The following PLA2G3 variants were observed in gnomAD, a reference collection of about 807,000 sequenced individuals.
PLA2G3 encodes phospholipase A2 group III.
In PLA2G3, 39 loss-of-function variants were observed where a neutral mutation model predicts 51.3. The ratio of observed to expected loss-of-function variants is 0.76; its 90% CI spans 0.59 to 0.99. The LOEUF is 0.99. Among genes scored for constraint, PLA2G3 ranks in the 50% least tolerant of loss-of-function variants. The pLI is 0.00. For synonymous variants in PLA2G3, 293 were observed against 263.1 expected (o/e 1.11, Z -1.10); for missense variants, 677 against 662.1 (o/e 1.02, Z -0.25).
rs879597294 is a variant in PLA2G3, at chr22:31,140,445, C to T, written c.-91G>A. 5.3e-5 allele frequency: 77 copies of T among 1,444,432 alleles called. No individual in the cohort carries two copies. The highest frequency in any genetic ancestry group is 6.7e-5 in the Non-Finnish European group (73 of 1,083,790). 89.5% of individuals were successfully genotyped at this position (1,444,432 alleles called of 1,614,324 possible). ...CGGCAGCTGAGCAGTGGAACGGAAG[C>T]GGAGCCCAGCAGGCCCGGTGCGGCG... On this transcript the variant is annotated 5_prime_UTR_variant, in exon 1 of 7. Coordinates refer to ENST00000215885, the MANE Select transcript of PLA2G3 (RefSeq NM_015715.5).
rs1476208016 is a variant in PLA2G3, at chr22:31,136,040, C to T, written c.1317-104G>A. Reference sequence around the variant, plus strand: ...CCAGAGAGAGAGGGGGCTGGGGCCACAGTCACCAGCAAGGCAGAGAGGGGT... The same window carrying T: ...CCAGAGAGAGAGGGGGCTGGGGCCATAGTCACCAGCAAGGCAGAGAGGGGT... On this transcript the variant is annotated intron_variant, in intron 6 of 6. Coordinates refer to ENST00000215885, the MANE Select transcript of PLA2G3 (RefSeq NM_015715.5). 9.0e-6 allele frequency: 8 copies of T among 893,138 alleles called. No homozygotes were observed. The Middle Eastern group carries it at 1.8e-3, about 205-fold the overall frequency. 55.3% of individuals were successfully genotyped at this position (893,138 alleles called of 1,614,324 possible).
intron 4 of PLA2G3, among the ~76,000 whole-genome samples, chr22:31,137,501 G>C (rs1922644059): frequency 6.6e-6 from 1 of 152,222 alleles, no homozygotes; most frequent in Admixed American, 6.5e-5. Flanking sequence ...CTGAGATAAA[G>C]AGGAGTGGTG....
chr22:31,140,481 A>C lies in PLA2G3; in HGVS notation c.-127T>G. On this transcript the variant is annotated 5_prime_UTR_variant, in exon 1 of 7. Transcript: ENST00000215885. The stretch of plus-strand genomic sequence containing the variant: ...AGGCCCGGTGCGGCGGGACCAATGA[A>C]TGGAGCTGCGGGAGGAGGAGGAAAG... 2 of 1,046,120 alleles carry C rather than the reference A, an allele frequency of 1.9e-6. No individual in the cohort carries two copies. The highest frequency in any genetic ancestry group is 2.5e-5 in the East Asian group (1 of 39,718). The allele number at this position is 1,046,120 out of a possible 1,614,324, so 64.8% of individuals were successfully genotyped here. A position where few individuals can be genotyped will look rare whatever the true frequency, so the allele number is the denominator to read the frequency against.
rs540902061 is a variant in PLA2G3 at position 31,138,028 on chromosome 22, G to C, written c.783-35C>G. 26 of 1,522,368 alleles carry C rather than the reference G, an allele frequency of 1.7e-5. No homozygotes were observed. In the South Asian group the frequency reaches 2.6e-4, roughly 15 times the overall value. The allele number at this position is 1,522,368 out of a possible 1,614,324, so 94.3% of individuals were successfully genotyped here. ...GGCAGTTGGTGGAAATTGGTGACTGGGAATCCCCCTTCCAGAAGCCCCCAG... is the reference window on the plus strand; with the variant it reads ...GGCAGTTGGTGGAAATTGGTGACTGCGAATCCCCCTTCCAGAAGCCCCCAG... On this transcript the variant is annotated intron_variant, in intron 3 of 6. Transcript: ENST00000215885.
At chr22:31,138,143 GC>G in intron 3 of PLA2G3, 132 bp downstream of exon 3, 1 of 1,336,838 alleles carries the variant, frequency 7.5e-7, no homozygotes, top group Admixed American at 2.3e-5. Flanking sequence ...TGCATCCCGG[GC>G]CCTCAGGAGA....
At chr22:31,137,595 G>T in intron 4 of PLA2G3, 115 bp downstream of exon 4, 3 of 956,838 alleles carry the variant, frequency 3.1e-6, no homozygotes, top group Non-Finnish European at 4.7e-6. Context: ...GGGAGAGGTT[G>T]GGAAATCCCA....
In PLA2G3 at chr22:31,136,669, C is replaced by G; in HGVS notation, c.1316+14G>C. 6.2e-7 allele frequency: 1 copy of G among 1,607,254 alleles called. No homozygotes were observed. On this transcript the variant is annotated intron_variant, in intron 6 of 6. Coordinates refer to ENST00000215885, the MANE Select transcript of PLA2G3 (RefSeq NM_015715.5). The stretch of plus-strand genomic sequence containing the variant: ...AGAAAACCCCCCATCCCTCCTGGCT[C>G]TGACATCACTTACTTTTTGCCTTCC...
intron 1 of PLA2G3, 26 bp downstream of exon 1, chr22:31,139,815 C>T (rs1329202713): frequency 1.3e-6 from 2 of 1,566,098 alleles, no homozygotes; most frequent in Non-Finnish European, 1.8e-6. Context: ...TCGGACCCCC[C>T]AGCCCACACA....
Position 31,139,864 on chromosome 22 carries a change from G to A in PLA2G3, c.491C>T (p.Ser164Phe). Reference sequence around the variant, plus strand: ...ACCCAGCTCCGAGGAGTTCCCAGCAGAATCTCCAACTCCACACCACAGTGT... The same window carrying A: ...ACCCAGCTCCGAGGAGTTCCCAGCAAAATCTCCAACTCCACACCACAGTGT... ...PGTLWCGVGD[S>F]AGNSSELGVF... Residue 164 changes from serine (S) to phenylalanine (F), a missense_variant, in exon 1 of 7, where the codon TCT becomes TTT. By Grantham distance (155) the Ser-to-Phe change is radical. Coordinates refer to ENST00000215885, the MANE Select transcript of PLA2G3 (RefSeq NM_015715.5). 1 of 1,613,414 alleles carries A rather than the reference G, an allele frequency of 6.2e-7. No individual in the cohort carries two copies. The highest frequency in any genetic ancestry group is 8.5e-7 in the Non-Finnish European group (1 of 1,179,800).
At chr22:31,138,161 G>A in intron 3 of PLA2G3, 115 bp downstream of exon 3, 2 of 1,404,982 alleles carry the variant, frequency 1.4e-6, no homozygotes, top group Non-Finnish European at 1.9e-6. Context: ...GAGAGGACAT[G>A]CAGGATGGGA....
intron 1 of PLA2G3, among the ~76,000 whole-genome samples, chr22:31,139,503 A>G (rs891275448): frequency 3.3e-5 from 5 of 152,092 alleles, no homozygotes; most frequent in African/African-American, 1.2e-4. Context: ...TCGTCTCAGC[A>G]TCCATTCCAC....
Position 31,140,253 on chromosome 22 carries a change from G to T in PLA2G3, c.102C>A (p.Thr34=), listed in dbSNP as rs1222209491. 2 of 1,612,512 alleles carry T rather than the reference G, an allele frequency of 1.2e-6. No individual in the cohort carries two copies. Among genetic ancestry groups the T allele is most frequent in the African/African-American group, 1.3e-5 (1 of 75,026 alleles). The change falls in exon 1 of 7, where the codon ACC becomes ACA. Residue 34 remains threonine (T), a synonymous_variant. Coordinates refer to ENST00000215885, the MANE Select transcript of PLA2G3 (RefSeq NM_015715.5). ...CCAGTGGGTTGCCAGGGACGGCCTT[G>T]GTCAAGTGGCAGGAGGTCCTGTACC... ...LRWYRTSCHL[T]KAVPGNPLGY...
intron 1 of PLA2G3, among the ~76,000 whole-genome samples, 193 bp from the exon 2 acceptor site, chr22:31,138,992 A>G (rs1922749857): frequency 6.6e-6 from 1 of 152,212 alleles, no homozygotes; most frequent in Admixed American, 6.5e-5. Context: ...GGAAAAGAGA[A>G]GCCAAGCTGC....
At chr22:31,137,084 G>T in intron 4 of PLA2G3, 44 bp from the exon 5 acceptor site, 2 of 1,472,616 alleles carry the variant, frequency 1.4e-6, no homozygotes, top group Non-Finnish European at 1.8e-6. Flanking sequence ...ATCCACCAGG[G>T]AGGCCCCACC....
At position 31,140,396 on chromosome 22, in the gene PLA2G3, C is replaced by A; in HGVS notation, c.-42G>T. Reference sequence around the variant, plus strand: ...CCAGTCAGACAAAGCCCCTGGGATGCCTGCCCTTGGTGGCCCCACCAGGCG... The same window carrying A: ...CCAGTCAGACAAAGCCCCTGGGATGACTGCCCTTGGTGGCCCCACCAGGCG... On this transcript the variant is annotated 5_prime_UTR_variant, in exon 1 of 7. Transcript: ENST00000215885. 6.6e-7 allele frequency: 1 copy of A among 1,517,482 alleles called. No homozygotes were observed. The highest frequency in any genetic ancestry group is 1.4e-5 in the African/African-American group (1 of 72,410). The allele number at this position is 1,517,482 out of a possible 1,614,324, so 94.0% of individuals were successfully genotyped here. A position where few individuals can be genotyped will look rare whatever the true frequency, so the allele number is the denominator to read the frequency against.
chr22:31,138,147 T>A, intron 3 of PLA2G3, 129 bp downstream of exon 3: 1 of 1,369,154 alleles, frequency 7.3e-7, no homozygotes, highest in Non-Finnish European at 9.9e-7. Context: ...TCCCGGGCCC[T>A]CAGGAGAGGA....
chr22:31,136,974 C>T lies in PLA2G3; in HGVS notation c.1133G>A (p.Arg378Gln), dbSNP rs2232183. 371,158 of 1,577,432 alleles carry T rather than the reference C, an allele frequency of 0.24. 46,274 individuals are homozygous for T. Among genetic ancestry groups the T allele is most frequent in the Middle Eastern group, 0.31 (1,823 of 5,968 alleles). ...GTTGAGCAGCTGGAACTCGATTTCC[C>T]GGGGCCCAATCTGGTGCTCACACTG... is the stretch of plus-strand genomic sequence containing the variant. ...LDQCEHQIGP[R>Q]EIEFQLLNSA... The change falls in exon 5 of 7, where the codon CGG (arginine) becomes CAG (glutamine). Residue 378 changes from arginine to glutamine, a missense_variant. Transcript: ENST00000215885.
chr22:31,137,779 T>C lies in PLA2G3; in HGVS notation c.997A>G (p.Met333Val), dbSNP rs762780314. 13 of 1,613,820 alleles carry C rather than the reference T, an allele frequency of 8.1e-6. No individual in the cohort carries two copies. Among genetic ancestry groups the C allele is most frequent in the South Asian group, 3.3e-5 (3 of 91,080 alleles). Reference protein sequence around the residue: ...KANTTALQDPMVSPRLDVAPT... With the variant: ...KANTTALQDPVVSPRLDVAPT... ...GCCACATCAAGCCTGGGAGAGACCA[T>C]AGGGTCCTGGAGGGCTGTGGTGTTG... The change falls in exon 4 of 7, where the codon ATG becomes GTG. Residue 333 changes from methionine (M) to valine (V), a missense_variant. Coordinates refer to ENST00000215885, the MANE Select transcript of PLA2G3 (RefSeq NM_015715.5).
Position 31,135,364 on chromosome 22 carries a change from C to T in PLA2G3, c.*359G>A, listed in dbSNP as rs762178450. The T allele has an allele frequency of 4.1e-6, 1 of 241,438 alleles. No individual in the cohort carries two copies. Among genetic ancestry groups the T allele is most frequent in the Non-Finnish European group, 8.1e-6 (1 of 124,214 alleles). 15.0% of individuals were successfully genotyped at this position (241,438 alleles called of 1,614,324 possible). Reference sequence around the variant, plus strand: ...GCATGTATTATTTTTGCAACACGGACATACATGTACCTCCTCCTGGTACTG... The same window carrying T: ...GCATGTATTATTTTTGCAACACGGATATACATGTACCTCCTCCTGGTACTG... On this transcript the variant is annotated 3_prime_UTR_variant, in exon 7 of 7. Coordinates refer to ENST00000215885, the MANE Select transcript of PLA2G3 (RefSeq NM_015715.5).
Sources: gnomAD v4.1 joint callset for allele counts (sites outside exome capture counted in the v4.1 genomes callset) on GRCh38, gnomAD v4.1.1 for gene constraint, MANE v1.5 for transcripts, NCBI Gene and HGNC (gene_info 2026-07-23, HGNC 2026-07-21) for gene names.